The following C11orf65 variants were observed in gnomAD, a reference collection of about 807,000 sequenced individuals.
C11orf65 encodes chromosome 11 open reading frame 65, also known as protein MFI.
In C11orf65, 38 loss-of-function variants were observed where a neutral mutation model predicts 35.3. That is an observed-to-expected ratio of 1.08 (90% CI 0.83 to 1.41). The LOEUF (loss-of-function observed/expected upper bound fraction) is 1.41. Ranked by LOEUF, C11orf65 falls within the 40% of genes most tolerant of loss-of-function variation. The pLI is 0.00. For synonymous variants in C11orf65, 105 were observed against 114.4 expected (o/e 0.92, Z 0.53); for missense variants, 370 against 367.1 (o/e 1.01, Z -0.06).
chr11:108,443,044 A>G (rs2093184477), intron 2 of C11orf65, among the ~76,000 whole-genome samples: 1 of 152,204 alleles, frequency 6.6e-6, no homozygotes, highest in South Asian at 2.1e-4. Context: ...AAGATTCAAG[A>G]CCCATCACTG....
chr11:108,430,332 G>T (rs2092968476), intron 3 of C11orf65, among the ~76,000 whole-genome samples: 4 of 148,762 alleles, frequency 2.7e-5, no homozygotes, highest in Admixed American at 1.3e-4. Context: ...GTAGAGACAG[G>T]GTTTCGCCAT....
At chr11:108,386,806 G>A (rs1482930263) in intron 7 of C11orf65, among the ~76,000 whole-genome samples, 1 of 152,160 alleles carries the variant, frequency 6.6e-6, no homozygotes, top group Non-Finnish European at 1.5e-5. Flanking sequence ...AATTGGCTGG[G>A]CGCAGTGGCT....
chr11:108,340,565 AC>A (rs2136853705), intron 2 of C11orf65, among the ~76,000 whole-genome samples: 1 of 152,288 alleles, frequency 6.6e-6, no homozygotes, highest in African/African-American at 2.4e-5. Context: ...CCCTGCTATT[AC>A]CACCCTACTT....
intron 2 of C11orf65, among the ~76,000 whole-genome samples, chr11:108,451,047 TATC>T (rs2093341234): frequency 6.6e-6 from 1 of 151,918 alleles, no homozygotes; most frequent in Admixed American, 6.5e-5. Context: ...CCACAGCCAA[TATC>T]ATACTGAATG....
chr11:108,446,257 A>G (rs542968486), intron 2 of C11orf65, among the ~76,000 whole-genome samples: 2,084 of 151,694 alleles, frequency 0.014, 49 homozygotes, highest in African/African-American at 0.047. Flanking sequence ...GCAGGCCAAC[A>G]TTCAGATTCA....
chr11:108,309,122 A>G, intron 6 of C11orf65: 1 of 1,025,704 alleles, frequency 9.7e-7, no homozygotes, highest in South Asian at 1.4e-5. Flanking sequence ...ACATGCATTC[A>G]AGTCCAAGCT....
At chr11:108,363,949 A>G (rs2091067925) in intron 2 of C11orf65, among the ~76,000 whole-genome samples, 1 of 152,148 alleles carries the variant, frequency 6.6e-6, no homozygotes, top group South Asian at 2.1e-4. Flanking sequence ...TGTGGGTGAA[A>G]CTGGTTTGGA....
intron 2 of C11orf65, among the ~76,000 whole-genome samples, chr11:108,450,550 C>T (rs2093332826): frequency 2.8e-5 from 4 of 142,134 alleles, no homozygotes; most frequent in Admixed American, 2.3e-4. Context: ...CACATGTTGT[C>T]ACTCATAGGT....
intron 2 of C11orf65, among the ~76,000 whole-genome samples, chr11:108,373,729 T>A (rs1329190550): frequency 1.3e-5 from 2 of 152,208 alleles, no homozygotes; most frequent in African/African-American, 2.4e-5. Flanking sequence ...TGGCATCGCA[T>A]CACACGGGAA....
intron 6 of C11orf65, among the ~76,000 whole-genome samples, chr11:108,309,881 A>G (rs1480985404): frequency 6.6e-6 from 1 of 152,116 alleles, no homozygotes; most frequent in Non-Finnish European, 1.5e-5. Flanking sequence ...TAGAGAGCAG[A>G]TATGAACCCC....
downstream of C11orf65, among the ~76,000 whole-genome samples, chr11:108,379,553 C>G (rs1242527040): frequency 1.3e-5 from 2 of 151,466 alleles, no homozygotes; most frequent in East Asian, 3.9e-4. Context: ...GTGCAGCACA[C>G]CAGCATGGCA....
intron 2 of C11orf65, among the ~76,000 whole-genome samples, chr11:108,359,953 G>T (rs60972360): frequency 0.1 from 15,460 of 151,726 alleles, 940 homozygotes; most frequent in East Asian, 0.21. Context: ...AATCAGAGCA[G>T]AACTGAAGGA....
At chr11:108,365,647 T>A in intron 2 of C11orf65, 1 of 1,051,932 alleles carries the variant, frequency 9.5e-7, no homozygotes, top group Admixed American at 2.5e-5. Flanking sequence ...TTGGTTTTAA[T>A]ACTTGATTTA....
chr11:108,356,678 A>C (rs1159440544), intron 2 of C11orf65, among the ~76,000 whole-genome samples: 3 of 152,162 alleles, frequency 2.0e-5, no homozygotes, highest in African/African-American at 7.2e-5. Context: ...AGTTTCTTCC[A>C]GTACTTGTAT....
chr11:108,309,104 G>A lies in C11orf65; in HGVS notation c.641-33C>T, dbSNP rs1325461375. The A allele has an allele frequency of 6.3e-6, 8 of 1,261,184 alleles. No homozygotes were observed. The highest frequency in any genetic ancestry group is 7.8e-6 in the Non-Finnish European group (7 of 898,058). The allele number at this position is 1,261,184 out of a possible 1,614,324, so 78.1% of individuals were successfully genotyped here. ...AAGTATGAATGGGATATAGAAAAAC[G>A]GGTAAAGACATGCATTCAAGTCCAA... On this transcript the variant is annotated intron_variant, in intron 6 of 6. Transcript: ENST00000525729.
intron 2 of C11orf65, chr11:108,335,816 T>A: frequency 6.5e-7 from 1 of 1,545,128 alleles, no homozygotes; most frequent in Non-Finnish European, 8.9e-7. Flanking sequence ...TAAACTGTAC[T>A]TGTTTATTCA....
intron 2 of C11orf65, chr11:108,367,579 G>A (rs573109136): frequency 1.9e-5 from 4 of 206,830 alleles, no homozygotes; most frequent in East Asian, 1.5e-4. Flanking sequence ...TCCCAGCTGC[G>A]GAGATTAACA....
chr11:108,402,303 A>C (rs2092453163), intron 6 of C11orf65, among the ~76,000 whole-genome samples: 1 of 152,202 alleles, frequency 6.6e-6, no homozygotes, highest in Non-Finnish European at 1.5e-5. Flanking sequence ...TTGGAAGTTC[A>C]AGATTCTTAG....
intron 6 of C11orf65, chr11:108,325,249 G>GTTTTTTTT (rs11366542): frequency 5.3e-6 from 3 of 566,214 alleles, no homozygotes; most frequent in Admixed American, 6.4e-5. Flanking sequence ...AACTTACATA[G>GTTTTTTTT]TTTTTTTTTT....
Sources: gnomAD v4.1 joint callset for allele counts (sites outside exome capture counted in the v4.1 genomes callset) on GRCh38, gnomAD v4.1.1 for gene constraint, MANE v1.5 for transcripts, NCBI Gene and HGNC (gene_info 2026-07-23, HGNC 2026-07-21) for gene names.